FHIT: variants seen among roughly 807,000 people sequenced by gnomAD.
FHIT encodes fragile histidine triad diadenosine triphosphatase.
Under a neutral mutation model 17.9 loss-of-function variants are expected in FHIT, and 19 were observed. The ratio of observed to expected loss-of-function variants is 1.06; its 90% CI spans 0.74 to 1.56. The LOEUF is 1.56. Ranked by LOEUF, FHIT falls within the 40% of genes most tolerant of loss-of-function variation. FHIT has a pLI of 0.00. For synonymous variants in FHIT, 81 were observed against 69.7 expected, an observed-to-expected ratio of 1.16 and a Z score of -0.81; for missense variants, 248 against 189.2, an observed-to-expected ratio of 1.31 and a Z score of -1.82.
intron 4 of FHIT, among the ~76,000 whole-genome samples, chr3:60,588,852 A>C (rs2037989971): frequency 6.6e-6 from 1 of 152,024 alleles, no homozygotes. Context: ...CCTTACCCTA[A>C]GAAGTGACTT....
chr3:60,835,545 C>A (rs1342629608), intron 3 of FHIT, among the ~76,000 whole-genome samples: 1 of 152,144 alleles, frequency 6.6e-6, no homozygotes, highest in African/African-American at 2.4e-5. Flanking sequence ...CAAAGAAATA[C>A]AATTGATAAT....
chr3:59,871,445 C>T (rs1299435831), intron 8 of FHIT, among the ~76,000 whole-genome samples: 1 of 151,984 alleles, frequency 6.6e-6, no homozygotes, highest in Non-Finnish European at 1.5e-5. Flanking sequence ...AGTATCCTTA[C>T]CCACCCCCCC....
intron 5 of FHIT, among the ~76,000 whole-genome samples, chr3:60,427,742 C>A (rs1702725374): frequency 6.6e-6 from 1 of 152,120 alleles, no homozygotes; most frequent in Non-Finnish European, 1.5e-5. Flanking sequence ...CTGCTCTTCT[C>A]TCTTAAGTCA....
At chr3:60,451,679 A>C (rs766402030) in intron 5 of FHIT, among the ~76,000 whole-genome samples, 3 of 152,218 alleles carry the variant, frequency 2.0e-5, no homozygotes, top group Non-Finnish European at 4.4e-5. Context: ...AAGATAACTT[A>C]GTACAACTAA....
chr3:60,137,276 G>A (rs896521963), intron 5 of FHIT, among the ~76,000 whole-genome samples: 3 of 152,166 alleles, frequency 2.0e-5, no homozygotes, highest in African/African-American at 7.2e-5. Context: ...TTTGAAAACT[G>A]AACTTCCTTC....
At chr3:60,561,599 CA>C (rs1330132262) in intron 4 of FHIT, among the ~76,000 whole-genome samples, 3 of 152,030 alleles carry the variant, frequency 2.0e-5, no homozygotes, top group African/African-American at 7.2e-5. Flanking sequence ...AGAAAAAGTT[CA>C]GGCCATTATC....
chr3:59,840,929 C>T (rs907636115), intron 8 of FHIT, among the ~76,000 whole-genome samples: 2 of 152,140 alleles, frequency 1.3e-5, no homozygotes, highest in African/African-American at 4.8e-5. Context: ...AGCAAATACA[C>T]TAGGAGCTTA....
intron 2 of FHIT, among the ~76,000 whole-genome samples, chr3:61,056,350 AT>A (rs1377739600): frequency 6.6e-6 from 1 of 152,238 alleles, no homozygotes; most frequent in Admixed American, 6.5e-5. Context: ...AAGAGTGTTT[AT>A]TCCTTGGTTC....
intron 4 of FHIT, among the ~76,000 whole-genome samples, chr3:60,709,978 C>G (rs1178851804): frequency 2.0e-5 from 3 of 151,384 alleles, no homozygotes; most frequent in Non-Finnish European, 2.9e-5. Flanking sequence ...ATTTCACTAC[C>G]CAGTCTCACA....
At chr3:59,811,225 G>A (rs1473645437) in intron 8 of FHIT, among the ~76,000 whole-genome samples, 1 of 152,176 alleles carries the variant, frequency 6.6e-6, no homozygotes, top group African/African-American at 2.4e-5. Context: ...TATTTTAGGA[G>A]AATGCAGAGG....
rs570354054 is a variant in FHIT, at chr3:60,930,834, A to T, written c.-110-108823T>A. Among the ~76,000 whole-genome samples the T allele has an allele frequency of 2.0e-5, 3 of 152,338 alleles. No homozygotes were observed. The South Asian group carries it at 6.2e-4, about 32-fold the overall frequency. ...ATTCCTCAAGGATCTAGAACTAGAA[A>T]TACCATTTGACCCAGCCATCCCATT... On this transcript the variant is annotated intron_variant, in intron 3 of 9. Coordinates refer to ENST00000492590, the MANE Select transcript of FHIT (RefSeq NM_002012.4).
At chr3:59,827,837 C>T (rs927381301) in intron 8 of FHIT, among the ~76,000 whole-genome samples, 1 of 152,178 alleles carries the variant, frequency 6.6e-6, no homozygotes, top group African/African-American at 2.4e-5. Flanking sequence ...TTTTAACTTC[C>T]TTTAAATTAA....
chr3:60,434,250 C>T lies in FHIT; in HGVS notation c.103+102610G>A, dbSNP rs552191451. 2.6e-5 allele frequency among the ~76,000 whole-genome samples: 4 copies of T among 152,214 alleles called. 1 individual carries two copies. The South Asian group carries it at 8.3e-4, about 32-fold the overall frequency. On this transcript the variant is annotated intron_variant, in intron 5 of 9. Transcript: ENST00000492590. ...TTACATCCCACTATCTACCTCTCAG[C>T]ATTTAGAAAATAAATATTTTCTCTT...
chr3:60,451,243 C>A (rs1450037312), intron 5 of FHIT, among the ~76,000 whole-genome samples: 1 of 151,932 alleles, frequency 6.6e-6, no homozygotes, highest in African/African-American at 2.4e-5. Context: ...AATCTTTACC[C>A]TTTTGCTTTT....
chr3:60,310,496 G>T (rs973223599), intron 5 of FHIT, among the ~76,000 whole-genome samples: 3 of 151,926 alleles, frequency 2.0e-5, no homozygotes, highest in Non-Finnish European at 4.4e-5. Flanking sequence ...TAGGCCTAGG[G>T]GTCAGTACTG....
chr3:60,641,792 T>C (rs1045975182), intron 4 of FHIT, among the ~76,000 whole-genome samples: 1 of 152,144 alleles, frequency 6.6e-6, no homozygotes, highest in African/African-American at 2.4e-5. Context: ...GTCAGAATCC[T>C]GACAGGACAC....
At chr3:61,026,709 C>T (rs1190883106) in intron 3 of FHIT, among the ~76,000 whole-genome samples, 1 of 151,922 alleles carries the variant, frequency 6.6e-6, no homozygotes, top group Admixed American at 6.6e-5. Flanking sequence ...ATGTGTGGCC[C>T]AAGACAATTC....
At chr3:60,250,467 C>G (rs1441609185) in intron 5 of FHIT, among the ~76,000 whole-genome samples, 4 of 152,168 alleles carry the variant, frequency 2.6e-5, no homozygotes, top group Non-Finnish European at 4.4e-5. Context: ...TACAAAACAT[C>G]TGTTGAAGTC....
chr3:60,109,470 G>C (rs1031426484), intron 5 of FHIT, among the ~76,000 whole-genome samples: 5 of 152,166 alleles, frequency 3.3e-5, no homozygotes, highest in African/African-American at 9.7e-5. Flanking sequence ...TTCCTAAAGA[G>C]AGAGTAAATA....
Sources: gnomAD v4.1 joint callset for allele counts (sites outside exome capture counted in the v4.1 genomes callset) on GRCh38, gnomAD v4.1.1 for gene constraint, MANE v1.5 for transcripts, NCBI Gene and HGNC (gene_info 2026-07-23, HGNC 2026-07-21) for gene names.